PWWP3B: variants seen among roughly 807,000 people sequenced by gnomAD.
PWWP3B encodes PWWP domain-containing DNA repair factor 3B.
In PWWP3B, 5 loss-of-function variants were observed where a neutral mutation model predicts 15.7. That is an observed-to-expected ratio of 0.32 (90% CI 0.17 to 0.67). PWWP3B has a LOEUF of 0.67. Ranked by LOEUF, PWWP3B falls within the 30% of genes least tolerant of loss-of-function variation. The pLI is 0.74. For synonymous variants in PWWP3B, 203 were observed against 179.8 expected, an observed-to-expected ratio of 1.13 and a Z score of -1.03; for missense variants, 519 against 493.1, an observed-to-expected ratio of 1.05 and a Z score of -0.50.
chrX:106,189,702 C>G (rs1380039911), intron 2 of PWWP3B, among the ~76,000 whole-genome samples: 1 of 104,681 alleles, frequency 9.6e-6, no homozygotes, highest in Non-Finnish European at 1.9e-5. Flanking sequence ...ACTGCAAGCT[C>G]TGCCTCCCGG....
rs772439267 is a variant in PWWP3B, at chrX:106,183,197, C to T, written c.-401+12058C>T. Among the ~76,000 whole-genome samples the T allele has an allele frequency of 3.6e-5, 4 of 111,527 alleles. No homozygotes were observed. The East Asian group carries it at 1.1e-3, about 31-fold the overall frequency. On this transcript the variant is annotated intron_variant, in intron 2 of 3. Coordinates refer to ENST00000357175, the MANE Select transcript of PWWP3B (RefSeq NM_001171020.2). Reference sequence around the variant, plus strand: ...GGGAGGGATTTGACCAACAATAGATCTCTTGGTTGAAGCAACTCCATTCCC... The same window carrying T: ...GGGAGGGATTTGACCAACAATAGATTTCTTGGTTGAAGCAACTCCATTCCC...
intron 3 of PWWP3B, among the ~76,000 whole-genome samples, chrX:106,205,007 C>A (rs770078968): frequency 2.9e-4 from 32 of 110,866 alleles, no homozygotes; most frequent in Non-Finnish European, 4.2e-4. Flanking sequence ...ATAATGAGGG[C>A]AAGTTCTTCA....
chrX:106,186,114 A>T (rs1223684897), intron 2 of PWWP3B, among the ~76,000 whole-genome samples: 5 of 111,525 alleles, frequency 4.5e-5, no homozygotes, highest in Non-Finnish European at 7.5e-5. Flanking sequence ...GAGAGGTGAG[A>T]GGAAATTTGT....
At chrX:106,183,636 TGAG>T (rs1281614268) in intron 2 of PWWP3B, among the ~76,000 whole-genome samples, 2 of 112,199 alleles carry the variant, frequency 1.8e-5, no homozygotes, top group African/African-American at 6.5e-5. Flanking sequence ...CAGTTACAAA[TGAG>T]GAGGTGGGAG....
At chrX:106,173,556 TC>T (rs1403952397) in intron 2 of PWWP3B, among the ~76,000 whole-genome samples, 4 of 111,313 alleles carry the variant, frequency 3.6e-5, no homozygotes. Flanking sequence ...TTTAATGCAA[TC>T]CAATTATCAC....
At position 106,207,006 on chromosome X, in the gene PWWP3B, C is replaced by T. The variant is rs771260235; in HGVS notation, c.1574C>T (p.Pro525Leu). Residue 525 changes from proline (P) to leucine (L), a missense_variant, in exon 4 of 4, where the codon CCG becomes CTG. By Grantham distance (98) the Pro-to-Leu change is moderately conservative (BLOSUM62 -3). Transcript: ENST00000357175. ...PKLHNEDARE[P>L]MAVTSQTKKM... ...CTGCATAATGAAGATGCCAGGGAAC[C>T]GATGGCTGTAACTTCCCAGACCAAG... The T allele has an allele frequency of 2.5e-6, 3 of 1,209,996 alleles. No individual in the cohort carries two copies. Among genetic ancestry groups the T allele is most frequent in the Non-Finnish European group, 2.2e-6 (2 of 894,532 alleles).
chrX:106,178,978 G>A (rs190166266), intron 2 of PWWP3B, among the ~76,000 whole-genome samples: 101 of 111,889 alleles, frequency 9.0e-4, no homozygotes, highest in African/African-American at 3.1e-3. Flanking sequence ...GCCTGAGAAA[G>A]CTGCTTGCTG....
chrX:106,185,963 G>A (rs1922483802), intron 2 of PWWP3B, among the ~76,000 whole-genome samples: 1 of 112,081 alleles, frequency 8.9e-6, no homozygotes, highest in African/African-American at 3.2e-5. Context: ...CAAAAATTAT[G>A]TCTTTCTGAT....
intron 1 of PWWP3B, among the ~76,000 whole-genome samples, chrX:106,169,352 A>G (rs1019380471): frequency 1.8e-5 from 2 of 112,226 alleles, no homozygotes; most frequent in African/African-American, 6.5e-5. Context: ...AATAAAAAGG[A>G]TTAGACATCA....
At chrX:106,194,562 A>G (rs1270165837) in intron 2 of PWWP3B, among the ~76,000 whole-genome samples, 1 of 112,114 alleles carries the variant, frequency 8.9e-6, no homozygotes, top group East Asian at 2.8e-4. Flanking sequence ...TTCTCCGTCC[A>G]GCTTTGTTCC....
chrX:106,207,744 A>G lies in PWWP3B; in HGVS notation c.*221A>G, dbSNP rs747983528. ...TTTGTCAACATATTTCAGCAGTTCT[A>G]CTTTCCCGTACATTTTTTAGAAAGC... On this transcript the variant is annotated 3_prime_UTR_variant, in exon 4 of 4. Transcript: ENST00000357175. The G allele has an allele frequency of 7.0e-5, 23 of 328,651 alleles. No individual in the cohort carries two copies. The highest frequency in any genetic ancestry group is 8.8e-4 in the Middle Eastern group (1 of 1,137). 27.1% of individuals were successfully genotyped at this position (328,651 alleles called of 1,213,427 possible). A position where few individuals can be genotyped will look rare whatever the true frequency, so the allele number is the denominator to read the frequency against.
intron 2 of PWWP3B, among the ~76,000 whole-genome samples, chrX:106,181,425 G>A (rs1050474683): frequency 1.2e-4 from 13 of 111,559 alleles, no homozygotes; most frequent in Non-Finnish European, 1.9e-4. Flanking sequence ...TGATTGGTGC[G>A]TTTACAATCC....
At chrX:106,187,828 A>G (rs4826936) in intron 2 of PWWP3B, among the ~76,000 whole-genome samples, 55,474 of 110,367 alleles carry the variant, frequency 0.5, 11,895 homozygotes, top group East Asian at 0.84. Context: ...TAACTGGACT[A>G]TTTATAGTTG....
chrX:106,184,422 C>G (rs1922384876), intron 2 of PWWP3B, among the ~76,000 whole-genome samples: 1 of 111,127 alleles, frequency 9.0e-6, no homozygotes, highest in African/African-American at 3.3e-5. Context: ...GGGCTTTTTC[C>G]TAATTCTCCT....
intron 2 of PWWP3B, among the ~76,000 whole-genome samples, chrX:106,189,405 G>A (rs377560270): frequency 1.9e-4 from 21 of 108,403 alleles, no homozygotes; most frequent in Middle Eastern, 4.8e-3. Context: ...AACAGTCCCC[G>A]ATGTGTGATG....
rs996652798 is a variant in PWWP3B, at chrX:106,204,666, A to C, written c.-215+496A>C. On this transcript the variant is annotated intron_variant, in intron 3 of 3. Coordinates refer to ENST00000357175, the MANE Select transcript of PWWP3B (RefSeq NM_001171020.2). ...CAGTGGAGCACTTGCAGCTTAAAAA[A>C]TACAAAGCTGTGTTTTCAACTAGAA... Among the ~76,000 whole-genome samples the C allele has an allele frequency of 7.1e-5, 8 of 112,436 alleles. No individual in the cohort carries two copies. The Admixed American group carries it at 7.5e-4, about 11-fold the overall frequency.
intron 2 of PWWP3B, among the ~76,000 whole-genome samples, chrX:106,192,484 A>G (rs1157366791): frequency 9.0e-6 from 1 of 111,162 alleles, no homozygotes; most frequent in African/African-American, 3.3e-5. Context: ...GATCTTTTCA[A>G]AAAACCAGCT....
Position 106,206,438 on chromosome X carries a change from A to T in PWWP3B, c.1006A>T (p.Ser336Cys). 3.3e-6 allele frequency: 4 copies of T among 1,209,871 alleles called. No individual in the cohort carries two copies. Among genetic ancestry groups the T allele is most frequent in the Non-Finnish European group, 3.4e-6 (3 of 894,544 alleles). ...PVWDYSHLMS[S>C]ERNFQRLDFE... ...CTGGGATTATTCACATCTTATGAGTAGTGAAAGAAATTTTCAGAGACTGGA... is the reference window on the plus strand; with the variant it reads ...CTGGGATTATTCACATCTTATGAGTTGTGAAAGAAATTTTCAGAGACTGGA... Residue 336 changes from serine to cysteine, a missense_variant, in exon 4 of 4, where the codon AGT becomes TGT. By Grantham distance (112) the Ser-to-Cys change is moderately radical (BLOSUM62 -1). Transcript: ENST00000357175.
At chrX:106,180,654 T>C (rs1463939923) in intron 2 of PWWP3B, among the ~76,000 whole-genome samples, 1 of 112,140 alleles carries the variant, frequency 8.9e-6, no homozygotes, top group East Asian at 2.8e-4. Context: ...ACTAGTTTTC[T>C]GGTTAAACCA....
Sources: gnomAD v4.1 joint callset for allele counts (sites outside exome capture counted in the v4.1 genomes callset) on GRCh38, gnomAD v4.1.1 for gene constraint, MANE v1.5 for transcripts, NCBI Gene and HGNC (gene_info 2026-07-23, HGNC 2026-07-21) for gene names.